The following TBC1D22B variants were observed in gnomAD, a reference collection of about 807,000 sequenced individuals.
The protein encoded by TBC1D22B is TBC1 domain family member 22B, also known as chromosome 6 open reading frame 197.
TBC1D22B carries 32 observed loss-of-function variants against 69.1 expected under a neutral mutation model. The observed-to-expected ratio is 0.46, with a 90% CI of 0.35 to 0.62. TBC1D22B has a LOEUF of 0.62. Ranked by LOEUF, TBC1D22B falls within the 20% of genes least tolerant of loss-of-function variation. The probability of loss-of-function intolerance (pLI) is 0.00; values close to 1 mark genes in which losing one functional copy is unlikely to be tolerated. For missense variants in TBC1D22B, 462 were observed against 630.9 expected (o/e 0.73, Z 2.87); for synonymous variants, 206 against 229.8 (o/e 0.90, Z 0.94).
intron 12 of TBC1D22B, chr6:37,324,198 A>G (rs1023188604): frequency 5.8e-5 from 25 of 433,074 alleles, no homozygotes; most frequent in Middle Eastern, 6.7e-4. Context: ...TATCTTATTT[A>G]ATAGCACATA....
intron 8 of TBC1D22B, among the ~76,000 whole-genome samples, chr6:37,295,157 C>G (rs1767322432): frequency 6.6e-6 from 1 of 152,116 alleles, no homozygotes; most frequent in Non-Finnish European, 1.5e-5. Context: ...GGCTGGAGTG[C>G]AGTGGTGTAA....
At chr6:37,290,498 A>G (rs1581598299) in intron 7 of TBC1D22B, among the ~76,000 whole-genome samples, 1 of 152,074 alleles carries the variant, frequency 6.6e-6, no homozygotes, top group Non-Finnish European at 1.5e-5. Flanking sequence ...ATGTAAAGGG[A>G]CCATAAAGAT....
rs748490307 is a variant in TBC1D22B, at chr6:37,284,421, A to T, written c.758A>T (p.Tyr253Phe). ...EEYFGFIEQY[Y>F]DSRNEEHHQD... ...TATTTTGGCTTCATTGAACAGTATT[A>T]TGACTCTCGAAACGAGGAACATCAC... Residue 253 changes from tyrosine (Y) to phenylalanine (F), a missense_variant, in exon 6 of 13, where the codon TAT becomes TTT. Coordinates refer to ENST00000373491, the MANE Select transcript of TBC1D22B (RefSeq NM_017772.4). 6.2e-7 allele frequency: 1 copy of T among 1,608,576 alleles called. No homozygotes were observed. The highest frequency in any genetic ancestry group is 8.5e-7 in the Non-Finnish European group (1 of 1,177,894).
At chr6:37,283,967 A>G (rs73421905) in intron 5 of TBC1D22B, among the ~76,000 whole-genome samples, 4,845 of 152,314 alleles carry the variant, frequency 0.032, 243 homozygotes, top group African/African-American at 0.11. Context: ...TCTCAGAAGT[A>G]TGGCCCTGGA....
Position 37,331,291 on chromosome 6 carries a change from C to A in TBC1D22B, c.*119C>A. The A allele has an allele frequency of 1.9e-6, 2 of 1,027,938 alleles. No homozygotes were observed. Among genetic ancestry groups the A allele is most frequent in the Non-Finnish European group, 2.9e-6 (2 of 681,956 alleles). The allele number at this position is 1,027,938 out of a possible 1,614,324, so 63.7% of individuals were successfully genotyped here. On this transcript the variant is annotated 3_prime_UTR_variant, in exon 13 of 13. Coordinates refer to ENST00000373491, the MANE Select transcript of TBC1D22B (RefSeq NM_017772.4). ...CCACTCCTGTTGTACAAAGCTCACA[C>A]CCACCGCCCAGGTCTTAACTTTCTG...
chr6:37,316,746 G>A lies in TBC1D22B; in HGVS notation c.1209G>A (p.Leu403=). ...NHFRRYEVEY[L]QFAFRWMNNL... Reference sequence around the variant, plus strand: ...TCAGGAGGTACGAGGTAGAATACCTGCAGTTTGCCTTCCGCTGGATGAACA... The same window carrying A: ...TCAGGAGGTACGAGGTAGAATACCTACAGTTTGCCTTCCGCTGGATGAACA... Residue 403 remains leucine (L), a synonymous_variant, in exon 11 of 13, where the codon CTG becomes CTA. Coordinates refer to ENST00000373491, the MANE Select transcript of TBC1D22B (RefSeq NM_017772.4). The A allele has an allele frequency of 1.9e-6, 3 of 1,614,210 alleles. No individual in the cohort carries two copies. Among genetic ancestry groups the A allele is most frequent in the South Asian group, 2.2e-5 (2 of 91,082 alleles).
intron 8 of TBC1D22B, among the ~76,000 whole-genome samples, chr6:37,301,686 C>T (rs1767577187): frequency 6.6e-6 from 1 of 152,226 alleles, no homozygotes; most frequent in Non-Finnish European, 1.5e-5. Context: ...TCCCCACCCT[C>T]ACACCTTTCT....
intron 2 of TBC1D22B, among the ~76,000 whole-genome samples, chr6:37,273,210 A>G (rs1195347009): frequency 2.0e-5 from 3 of 149,934 alleles, no homozygotes; most frequent in African/African-American, 4.9e-5. Flanking sequence ...AAAAAACGAG[A>G]ATAGCAAAGA....
At chr6:37,303,191 G>A (rs1767617098) in intron 8 of TBC1D22B, among the ~76,000 whole-genome samples, 2 of 152,176 alleles carry the variant, frequency 1.3e-5, no homozygotes, top group South Asian at 4.1e-4. Flanking sequence ...AATACACTTA[G>A]GGGTCCTGTC....
intron 12 of TBC1D22B, chr6:37,324,191 C>T: frequency 4.7e-6 from 2 of 425,402 alleles, no homozygotes; most frequent in Admixed American, 5.0e-5. Flanking sequence ...GATACAGTAT[C>T]TTATTTAATA....
chr6:37,286,928 G>A (rs1767023387), intron 6 of TBC1D22B, 79 bp from the exon 7 acceptor site: 2 of 1,308,302 alleles, frequency 1.5e-6, no homozygotes, highest in South Asian at 2.5e-5. Flanking sequence ...TGGGGGACAA[G>A]AGCGAGACTT....
At chr6:37,261,167 G>A (rs943700370) in intron 1 of TBC1D22B, among the ~76,000 whole-genome samples, 2 of 152,046 alleles carry the variant, frequency 1.3e-5, no homozygotes, top group Admixed American at 1.3e-4. Context: ...GGCAGGTGTG[G>A]TGGCCTGTAA....
chr6:37,313,668 G>C (rs1767994580), intron 9 of TBC1D22B, 148 bp from the exon 10 acceptor site: 2 of 768,624 alleles, frequency 2.6e-6, no homozygotes, highest in Admixed American at 3.8e-5. Context: ...CTGTTGTTCT[G>C]TAGATTTCTT....
chr6:37,285,377 T>G (rs529623751), intron 6 of TBC1D22B, among the ~76,000 whole-genome samples: 6 of 121,374 alleles, frequency 4.9e-5, no homozygotes, highest in African/African-American at 1.9e-4. Context: ...CAGGCTGGAG[T>G]GCAGTGGCGT....
chr6:37,277,640 A>G (rs767723965), intron 2 of TBC1D22B, among the ~76,000 whole-genome samples: 50 of 150,848 alleles, frequency 3.3e-4, no homozygotes, highest in Admixed American at 1.2e-3. Context: ...TAATTTTTGT[A>G]TTTTTTTAGT....
chr6:37,295,634 G>A, intron 8 of TBC1D22B: 2 of 433,466 alleles, frequency 4.6e-6, no homozygotes, highest in East Asian at 6.9e-5. Context: ...ATTATCAATG[G>A]CACTGTCATC....
chr6:37,295,191 A>G (rs1415465854), intron 8 of TBC1D22B, among the ~76,000 whole-genome samples: 1 of 151,952 alleles, frequency 6.6e-6, no homozygotes, highest in Non-Finnish European at 1.5e-5. Flanking sequence ...TGTAACCTCA[A>G]ACTCCTGGGC....
chr6:37,283,048 CTT>C, intron 5 of TBC1D22B, 96 bp downstream of exon 5: 1 of 956,218 alleles, frequency 1.0e-6, no homozygotes, highest in Non-Finnish European at 1.6e-6. Context: ...ACTCCATAGA[CTT>C]CTCTAGTCCT....
At chr6:37,310,760 T>G (rs887674401) in intron 8 of TBC1D22B, among the ~76,000 whole-genome samples, 6 of 152,254 alleles carry the variant, frequency 3.9e-5, no homozygotes, top group African/African-American at 1.4e-4. Context: ...TTACAAAGTC[T>G]TCTTTATTCT....
Sources: allele counts gnomAD v4.1 joint callset (sites outside exome capture counted in the v4.1 genomes callset), GRCh38; gene constraint gnomAD v4.1.1; transcripts MANE v1.5; gene names NCBI Gene and HGNC (gene_info 2026-07-23, HGNC 2026-07-21).